Variants in WNT3 observed in about 807,000 individuals in gnomAD.
WNT3 encodes proto-oncogene Wnt-3.
A neutral mutation model predicts 34.2 loss-of-function variants in WNT3; 7 were observed. That is an observed-to-expected ratio of 0.20 (90% CI 0.12 to 0.38). The LOEUF (loss-of-function observed/expected upper bound fraction) is 0.38, where lower values mean the gene tolerates loss of function less well. WNT3 is among the 10% of genes least tolerant of loss of function. WNT3 has a pLI of 1.00. For synonymous variants in WNT3, 212 were observed against 211.5 expected, an observed-to-expected ratio of 1.00 and a Z score of -0.02; for missense variants, 267 against 499.8, an observed-to-expected ratio of 0.53 and a Z score of 4.44.
intron 1 of WNT3, among the ~76,000 whole-genome samples, chr17:46,778,403 G>T (rs965212163): frequency 6.6e-6 from 1 of 152,144 alleles, no homozygotes. Context: ...GTCATCCTGC[G>T]AGTAATTAGC....
chr17:46,799,059 A>T (rs2146438958), intron 1 of WNT3, among the ~76,000 whole-genome samples: 1 of 151,998 alleles, frequency 6.6e-6, no homozygotes, highest in African/African-American at 2.4e-5. Flanking sequence ...AAAAAAAAAA[A>T]AAAAAAAATC....
chr17:46,798,662 C>A (rs1200082293), intron 1 of WNT3, among the ~76,000 whole-genome samples: 1 of 152,172 alleles, frequency 6.6e-6, no homozygotes, highest in Non-Finnish European at 1.5e-5. Flanking sequence ...CACACTCACT[C>A]ACTGTGCTTA....
intron 3 of WNT3, among the ~76,000 whole-genome samples, chr17:46,769,006 G>A (rs559896826): frequency 6.6e-6 from 1 of 152,186 alleles, no homozygotes; most frequent in Non-Finnish European, 1.5e-5. Context: ...TGGGTAGACA[G>A]CACGTCCACT....
intron 1 of WNT3, among the ~76,000 whole-genome samples, chr17:46,807,602 G>A (rs2084214420): frequency 6.6e-6 from 1 of 152,174 alleles, no homozygotes; most frequent in South Asian, 2.1e-4. Flanking sequence ...TTTTTAATTC[G>A]CATGTGCCTT....
chr17:46,780,559 C>T (rs1453980910), intron 1 of WNT3, among the ~76,000 whole-genome samples: 1 of 152,122 alleles, frequency 6.6e-6, no homozygotes, highest in Non-Finnish European at 1.5e-5. Context: ...GAGGCCGAGG[C>T]GGGAGGATCA....
At chr17:46,816,042 C>A (rs910472862) in intron 1 of WNT3, among the ~76,000 whole-genome samples, 1 of 152,070 alleles carries the variant, frequency 6.6e-6, no homozygotes, top group Non-Finnish European at 1.5e-5. Flanking sequence ...TGGCCATGAG[C>A]ACTGATATTC....
chr17:46,769,791 C>G lies in WNT3; in HGVS notation c.580G>C (p.Gly194Arg), dbSNP rs747097936. The change falls in exon 3 of 5, where the codon GGC becomes CGC. Residue 194 changes from glycine (G) to arginine (R), a missense_variant. By Grantham distance (125) the Gly-to-Arg change is moderately radical. Coordinates refer to ENST00000225512, the MANE Select transcript of WNT3 (RefSeq NM_030753.5). ...AGGGTAGCCGGGCTCACCGTGCGGC[C>G]CGCCTCGTTGTTGTGCTTGTTCATG... ...SAMNKHNNEA[G>R]RTTILDHMHL... is the part of the protein sequence containing the mutation. 2 of 1,611,328 alleles carry G rather than the reference C, an allele frequency of 1.2e-6. No homozygotes were observed. The highest frequency in any genetic ancestry group is 1.1e-5 in the South Asian group (1 of 91,072).
chr17:46,799,276 A>G lies in WNT3; in HGVS notation c.80+19242T>C, dbSNP rs576739102. 2.6e-5 allele frequency among the ~76,000 whole-genome samples: 4 copies of G among 152,114 alleles called. No homozygotes were observed. In the South Asian group the frequency reaches 6.2e-4, roughly 24 times the overall value. ...TTATTGGTTGGGACAAACCAACATA[A>G]AGTGTGTGGGATTCCCTGAAGCCAG... On this transcript the variant is annotated intron_variant, in intron 1 of 4. Transcript: ENST00000225512.
chr17:46,810,741 C>T (rs938545611), intron 1 of WNT3, among the ~76,000 whole-genome samples: 3 of 152,014 alleles, frequency 2.0e-5, no homozygotes, highest in Non-Finnish European at 4.4e-5. Flanking sequence ...GACCTGAACG[C>T]GGAATACAGC....
chr17:46,768,529 T>G lies in WNT3; in HGVS notation c.859A>C (p.Asn287His). Residue 287 changes from asparagine (N) to histidine (H), a missense_variant, in exon 4 of 5, where the codon AAC becomes CAC. By Grantham distance (68) the Asn-to-His change is moderately conservative. Around this residue, in one of 3 missense-constraint regions of WNT3, gnomAD observed 181 missense variants for 391.3 expected, o/e 0.46. Coordinates refer to ENST00000225512, the MANE Select transcript of WNT3 (RefSeq NM_030753.5). This position sits in a 1 kb window ranked among gnomAD's most constrained non-coding sequence, Gnocchi z 5.0. ...GTGCCAAAGGAACCCGTCTCTGGGT[T>G]GGGCTCACAAAAGTTGGGGGAGTTC... Reference protein sequence around the residue: ...YENSPNFCEPNPETGSFGTRD... With the variant: ...YENSPNFCEPHPETGSFGTRD... 1 of 1,614,206 alleles carries G rather than the reference T, an allele frequency of 6.2e-7. No homozygotes were observed. Among genetic ancestry groups the G allele is most frequent in the Non-Finnish European group, 8.5e-7 (1 of 1,180,036 alleles).
chr17:46,809,943 T>C (rs958433975), intron 1 of WNT3, among the ~76,000 whole-genome samples: 3 of 151,636 alleles, frequency 2.0e-5, no homozygotes, highest in African/African-American at 7.3e-5. Flanking sequence ...GGCTCTTAGG[T>C]CCATTCTTAG....
chr17:46,811,995 CA>C (rs1220505579), intron 1 of WNT3, among the ~76,000 whole-genome samples: 1 of 152,122 alleles, frequency 6.6e-6, no homozygotes, highest in Non-Finnish European at 1.5e-5. Flanking sequence ...CAACTCTGCC[CA>C]GGTGCCTTAG....
intron 2 of WNT3, 148 bp from the exon 3 acceptor site, chr17:46,770,196 C>A (rs2059351212): frequency 1.8e-6 from 2 of 1,134,944 alleles, no homozygotes; most frequent in African/African-American, 1.6e-5. Flanking sequence ...AGGCAGCTTC[C>A]CCACCCTCTT....
intron 4 of WNT3, among the ~76,000 whole-genome samples, chr17:46,766,305 G>C (rs963813824): frequency 5.3e-5 from 8 of 152,092 alleles, no homozygotes; most frequent in Non-Finnish European, 1.0e-4. Context: ...CTACTCGGGA[G>C]GCTGAGGCAG....
intron 4 of WNT3, among the ~76,000 whole-genome samples, 179 bp from the exon 5 acceptor site, chr17:46,764,800 A>T (rs2059299127): frequency 6.6e-6 from 1 of 152,076 alleles, no homozygotes; most frequent in South Asian, 2.1e-4. Flanking sequence ...CTGTTGAGGG[A>T]GGTCGTATGA....
intron 1 of WNT3, among the ~76,000 whole-genome samples, chr17:46,811,496 G>A (rs1459218284): frequency 6.6e-6 from 1 of 152,200 alleles, no homozygotes; most frequent in Non-Finnish European, 1.5e-5. Context: ...GCTGCCTAAC[G>A]CTGAAGAACC....
chr17:46,783,137 C>A (rs938901168), intron 1 of WNT3, among the ~76,000 whole-genome samples: 6 of 152,186 alleles, frequency 3.9e-5, no homozygotes, highest in African/African-American at 1.4e-4. Context: ...GTGGGAGCAC[C>A]CTTGCCTATG....
intron 1 of WNT3, among the ~76,000 whole-genome samples, chr17:46,814,508 C>G (rs1358819756): frequency 2.0e-5 from 3 of 152,190 alleles, no homozygotes; most frequent in African/African-American, 7.2e-5. Context: ...CATATCCCCC[C>G]CAGGGAAAGG....
In WNT3 at chr17:46,762,678, T is replaced by C. The variant is rs2059279458; in HGVS notation, c.*1952A>G. 2.0e-5 allele frequency: 3 copies of C among 151,804 alleles called. No homozygotes were observed. The highest frequency in any genetic ancestry group is 7.3e-5 in the African/African-American group (3 of 41,374). The allele number at this position is 151,804 out of a possible 1,614,324, so 9.4% of individuals were successfully genotyped here. Reference sequence around the variant, plus strand: ...AAAAAGAGACTTTTTGAATATAAAATCAAAAAGATCAACAACTTCTACAAC... The same window carrying C: ...AAAAAGAGACTTTTTGAATATAAAACCAAAAAGATCAACAACTTCTACAAC... On this transcript the variant is annotated 3_prime_UTR_variant, in exon 5 of 5. Transcript: ENST00000225512.
Sources: gnomAD v4.1 joint callset for allele counts (sites outside exome capture counted in the v4.1 genomes callset) on GRCh38, gnomAD v4.1.1 for gene constraint, gnomAD v4.1.1 regional missense constraint, Gnocchi (gnomAD v3.1) non-coding constraint, MANE v1.5 for transcripts, NCBI Gene and HGNC (gene_info 2026-07-23, HGNC 2026-07-21) for gene names.